ERBB4: variants seen among roughly 807,000 people sequenced by gnomAD.
ERBB4 encodes the protein receptor tyrosine-protein kinase erbB-4.
ERBB4 carries 42 observed loss-of-function variants against 158.0 expected under a neutral mutation model. The observed-to-expected ratio is 0.27, with a 90% CI of 0.21 to 0.34. The LOEUF (loss-of-function observed/expected upper bound fraction) is 0.34, where lower values mean the gene tolerates loss of function less well. ERBB4 is among the 10% of genes least tolerant of loss of function. The pLI, the probability that ERBB4 is intolerant of heterozygous loss-of-function variation, is 1.00. For missense variants in ERBB4, 1,333 were observed against 1,624.1 expected, an observed-to-expected ratio of 0.82 and a Z score of 3.08; for synonymous variants, 583 against 558.7, an observed-to-expected ratio of 1.04 and a Z score of -0.61.
chr2:211,988,815 A>G (rs2082000296), intron 2 of ERBB4, among the ~76,000 whole-genome samples: 1 of 151,980 alleles, frequency 6.6e-6, no homozygotes, highest in Non-Finnish European at 1.5e-5. Flanking sequence ...TCCAACCCCA[A>G]GGTCATTGGA....
intron 20 of ERBB4, among the ~76,000 whole-genome samples, chr2:211,451,107 A>T: frequency 6.6e-6 from 1 of 152,200 alleles, no homozygotes; most frequent in South Asian, 2.1e-4. Flanking sequence ...AGAAAAACTC[A>T]CAGGGACAAA....
chr2:212,401,282 A>G (rs1490666870), intron 1 of ERBB4, among the ~76,000 whole-genome samples: 1 of 152,156 alleles, frequency 6.6e-6, no homozygotes, highest in Non-Finnish European at 1.5e-5. Context: ...TTTGTAAAAT[A>G]CCATGACTTC....
intron 3 of ERBB4, among the ~76,000 whole-genome samples, chr2:211,917,990 A>G (rs1315410763): frequency 1.3e-5 from 2 of 152,192 alleles, no homozygotes; most frequent in Non-Finnish European, 2.9e-5. Flanking sequence ...TCTTGTGAGA[A>G]TGGAGAGAAA....
chr2:212,311,868 C>G (rs766878935), intron 1 of ERBB4, among the ~76,000 whole-genome samples: 2 of 150,902 alleles, frequency 1.3e-5, no homozygotes, highest in Non-Finnish European at 3.0e-5. Flanking sequence ...AAAATGTGCA[C>G]AAGAGAAATC....
rs1482203126 is a variant in ERBB4 at position 212,142,601 on chromosome 2, TA to T, written c.83-17699del. ...AAAGGACACATTATATATATATATA[TA>T]ATATTAAAATATATATATAATATAT... On this transcript the variant is annotated intron_variant, in intron 1 of 27. Coordinates refer to ENST00000342788, the MANE Select transcript of ERBB4 (RefSeq NM_005235.3). 6.1e-5 allele frequency among the ~76,000 whole-genome samples: 9 copies of T among 146,828 alleles called. No individual in the cohort carries two copies. The South Asian group carries it at 2.0e-3, about 33-fold the overall frequency.
chr2:211,503,242 A>C (rs1270787439), intron 20 of ERBB4, among the ~76,000 whole-genome samples: 1 of 152,066 alleles, frequency 6.6e-6, no homozygotes, highest in African/African-American at 2.4e-5. Flanking sequence ...CTGCAGCAAA[A>C]CATGACTCTG....
intron 2 of ERBB4, among the ~76,000 whole-genome samples, chr2:212,108,849 C>T (rs2079312372): frequency 6.6e-6 from 1 of 151,724 alleles, no homozygotes; most frequent in South Asian, 2.1e-4. Context: ...CAACTTTCTA[C>T]CAAATGCATG....
At chr2:212,340,235 T>C (rs1373944655) in intron 1 of ERBB4, among the ~76,000 whole-genome samples, 2 of 152,102 alleles carry the variant, frequency 1.3e-5, no homozygotes, top group Non-Finnish European at 2.9e-5. Context: ...TGATCTCAAA[T>C]TATTTTCAGG....
At chr2:211,433,388 T>C (rs1217944741) in intron 20 of ERBB4, among the ~76,000 whole-genome samples, 2 of 152,042 alleles carry the variant, frequency 1.3e-5, no homozygotes, top group African/African-American at 4.8e-5. Context: ...GAGACCATCC[T>C]GGCTAACATG....
intron 1 of ERBB4, among the ~76,000 whole-genome samples, chr2:212,340,069 G>T (rs1216701550): frequency 2.7e-5 from 4 of 148,722 alleles, no homozygotes; most frequent in South Asian, 2.1e-4. Context: ...TTAAGACAAG[G>T]TCTCACTCTG....
chr2:212,062,187 C>T (rs116143868), intron 2 of ERBB4, among the ~76,000 whole-genome samples: 1 of 152,040 alleles, frequency 6.6e-6, no homozygotes, highest in Non-Finnish European at 1.5e-5. Context: ...ATGCAAATAG[C>T]ATATGAGACA....
intron 1 of ERBB4, among the ~76,000 whole-genome samples, chr2:212,251,111 T>A (rs567558514): frequency 1.4e-4 from 21 of 152,150 alleles, no homozygotes; most frequent in Non-Finnish European, 2.4e-4. Flanking sequence ...AAACTTGTTA[T>A]TCTATTGAGG....
At chr2:212,345,261 G>A (rs1411959827) in intron 1 of ERBB4, among the ~76,000 whole-genome samples, 1 of 9,590 alleles carries the variant, frequency 1.0e-4, no homozygotes, top group Non-Finnish European at 4.2e-4. Flanking sequence ...GCAAGACTCC[G>A]TCTCAAAAAA....
At chr2:212,461,906 T>A (rs1688595845) in intron 1 of ERBB4, among the ~76,000 whole-genome samples, 1 of 152,142 alleles carries the variant, frequency 6.6e-6, no homozygotes, top group Admixed American at 6.6e-5. Flanking sequence ...GCTCTCTCTC[T>A]TTGCCTGCTG....
At chr2:211,658,053 CAGTAAAATA>C in intron 15 of ERBB4, 3 of 1,224,158 alleles carry the variant, frequency 2.5e-6, no homozygotes, top group Non-Finnish European at 2.3e-6. Flanking sequence ...TTTAAAAAAT[CAGTAAAATA>C]AATATTGATT....
intron 26 of ERBB4, among the ~76,000 whole-genome samples, chr2:211,387,439 G>A (rs1451121527): frequency 1.3e-5 from 2 of 152,080 alleles, no homozygotes; most frequent in South Asian, 2.1e-4. Context: ...TTTCCCACAA[G>A]TGCCTATATT....
chr2:211,673,118 C>A, intron 14 of ERBB4, 46 bp downstream of exon 14: 1 of 1,295,858 alleles, frequency 7.7e-7, no homozygotes, highest in Non-Finnish European at 1.1e-6. Context: ...AACATTCATA[C>A]ATGATACTAA....
At chr2:212,444,653 T>C (rs1233865956) in intron 1 of ERBB4, among the ~76,000 whole-genome samples, 1 of 152,158 alleles carries the variant, frequency 6.6e-6, no homozygotes, top group Admixed American at 6.6e-5. Context: ...CATTGCCCAA[T>C]AGGCCCAGGA....
intron 1 of ERBB4, among the ~76,000 whole-genome samples, chr2:212,432,746 G>T (rs1027749116): frequency 2.0e-5 from 3 of 152,098 alleles, no homozygotes; most frequent in African/African-American, 7.2e-5. Flanking sequence ...ACCCACAGAA[G>T]TTGTGAAAGG....
Sources: gnomAD v4.1 joint callset for allele counts (sites outside exome capture counted in the v4.1 genomes callset) on GRCh38, gnomAD v4.1.1 for gene constraint, MANE v1.5 for transcripts, NCBI Gene and HGNC (gene_info 2026-07-23, HGNC 2026-07-21) for gene names.